The following DMRT1 variants were observed in gnomAD, a reference collection of about 807,000 sequenced individuals.
The protein encoded by DMRT1 is doublesex- and mab-3-related transcription factor 1.
A neutral mutation model predicts 32.3 loss-of-function variants in DMRT1; 7 were observed. The observed-to-expected ratio is 0.22, with a 90% CI of 0.12 to 0.41. The LOEUF is 0.41. DMRT1 is among the 10% of genes least tolerant of loss of function. The probability of loss-of-function intolerance (pLI) is 1.00; values close to 1 mark genes in which losing one functional copy is unlikely to be tolerated. For missense variants in DMRT1, 625 were observed against 500.5 expected (o/e 1.25, Z -2.37); for synonymous variants, 278 against 206.1 (o/e 1.35, Z -2.99).
rs377274603 is a variant in DMRT1, at chr9:922,595, A to T, written c.967+5688A>T. 3.9e-5 allele frequency among the ~76,000 whole-genome samples: 6 copies of T among 152,324 alleles called. No individual in the cohort carries two copies. The East Asian group carries it at 9.6e-4, about 24-fold the overall frequency. ...AGTACGTGGTTGGTCGACACCTGCA[A>T]AAAGGTTTAGGTTTCAGTTGGTGAA... On this transcript the variant is annotated intron_variant, in intron 4 of 4. Transcript: ENST00000382276.
intron 2 of DMRT1, among the ~76,000 whole-genome samples, chr9:886,282 G>C (rs1294299821): frequency 2.0e-5 from 3 of 152,138 alleles, no homozygotes; most frequent in Non-Finnish European, 2.9e-5. Context: ...TTTGAGCGGA[G>C]TCTCGCTCTG....
At chr9:908,551 G>C (rs1283138320) in intron 3 of DMRT1, among the ~76,000 whole-genome samples, 1 of 152,040 alleles carries the variant, frequency 6.6e-6, no homozygotes, top group Non-Finnish European at 1.5e-5. Flanking sequence ...TTATATCCTT[G>C]TGTTCAATTT....
At chr9:904,050 G>C (rs1817683429) in intron 3 of DMRT1, among the ~76,000 whole-genome samples, 1 of 152,196 alleles carries the variant, frequency 6.6e-6, no homozygotes, top group African/African-American at 2.4e-5. Context: ...CTTCACAATT[G>C]AATCGGAGGC....
At chr9:848,765 G>C (rs927719864) in intron 2 of DMRT1, among the ~76,000 whole-genome samples, 5 of 148,290 alleles carry the variant, frequency 3.4e-5, no homozygotes, top group African/African-American at 9.9e-5. Flanking sequence ...ATGTTGGCCA[G>C]GCTGGCCTTG....
intron 3 of DMRT1, chr9:894,597 G>A (rs1303483633): frequency 1.3e-5 from 4 of 305,740 alleles, no homozygotes; most frequent in Non-Finnish European, 2.5e-5. Context: ...CTTTCGTTGG[G>A]CACCTTAGAA....
chr9:866,342 T>A (rs1210811745), intron 2 of DMRT1, among the ~76,000 whole-genome samples: 1 of 151,986 alleles, frequency 6.6e-6, no homozygotes, highest in Non-Finnish European at 1.5e-5. Flanking sequence ...AGCACTGGCC[T>A]GCGGGTGGGA....
At chr9:871,072 G>C (rs979933245) in intron 2 of DMRT1, among the ~76,000 whole-genome samples, 9 of 152,078 alleles carry the variant, frequency 5.9e-5, no homozygotes, top group African/African-American at 2.2e-4. Context: ...GTCTGGCTCT[G>C]TTGCCCAGGC....
At chr9:842,253 T>TA in intron 1 of DMRT1, 61 bp downstream of exon 1, 3 of 1,442,534 alleles carry the variant, frequency 2.1e-6, no homozygotes, top group Non-Finnish European at 2.8e-6. Context: ...TTTTTTTTTT[T>TA]AGATGGAGTC....
chr9:863,697 A>T (rs541595810), intron 2 of DMRT1, among the ~76,000 whole-genome samples: 1 of 152,358 alleles, frequency 6.6e-6, no homozygotes, highest in South Asian at 2.1e-4. Flanking sequence ...ACTCTAAGAT[A>T]GTCAATTTGT....
intron 4 of DMRT1, 134 bp from the exon 5 acceptor site, chr9:967,851 C>T (rs1394971831): frequency 1.1e-6 from 1 of 871,104 alleles, no homozygotes; most frequent in Non-Finnish European, 1.8e-6. Flanking sequence ...AAAACACTTT[C>T]AACTCAGAAT....
chr9:913,666 G>A (rs555912549), intron 3 of DMRT1, among the ~76,000 whole-genome samples: 4 of 151,832 alleles, frequency 2.6e-5, no homozygotes, highest in South Asian at 2.1e-4. Flanking sequence ...ATGCCGAGGC[G>A]GGCGGATCAC....
intron 2 of DMRT1, among the ~76,000 whole-genome samples, chr9:870,709 CTTTTTT>C (rs58893896): frequency 5.8e-5 from 4 of 69,562 alleles, no homozygotes; most frequent in South Asian, 6.7e-4. Context: ...ATTTTCTTGA[CTTTTTT>C]TTTTTTTTTT....
chr9:967,849 TTCAAC>T (rs1676818565), intron 4 of DMRT1, 131 bp from the exon 5 acceptor site: 1 of 869,294 alleles, frequency 1.2e-6, no homozygotes, highest in Non-Finnish European at 1.9e-6. Flanking sequence ...TAAAAACACT[TTCAAC>T]TCAGAATAGA....
intron 3 of DMRT1, among the ~76,000 whole-genome samples, chr9:895,904 A>G (rs1338911103): frequency 2.0e-5 from 3 of 149,832 alleles, no homozygotes; most frequent in Non-Finnish European, 2.9e-5. Context: ...TCCCGGGTTC[A>G]AGCCATTCTC....
At chr9:953,061 A>G (rs545906406) in intron 4 of DMRT1, among the ~76,000 whole-genome samples, 17 of 152,266 alleles carry the variant, frequency 1.1e-4, no homozygotes, top group African/African-American at 3.9e-4. Context: ...GGACTGCTAC[A>G]TGGTTATTTT....
rs192246377 is a variant in DMRT1, at chr9:871,750, A to G, written c.539-22162A>G. ...CGGCCTCCCAAAGTGCTGGGATTAC[A>G]GGCGTGAGCAACCGTGCCTGGCCGG... On this transcript the variant is annotated intron_variant, in intron 2 of 4. Coordinates refer to ENST00000382276, the MANE Select transcript of DMRT1 (RefSeq NM_021951.3). Among the ~76,000 whole-genome samples, 108 of 151,370 alleles carry G rather than the reference A, an allele frequency of 7.1e-4. 8 individuals carry two copies. Among genetic ancestry groups the G allele is most frequent in the African/African-American group, 2.3e-3 (95 of 40,718 alleles).
At chr9:852,985 T>C (rs1815227124) in intron 2 of DMRT1, among the ~76,000 whole-genome samples, 1 of 152,208 alleles carries the variant, frequency 6.6e-6, no homozygotes, top group African/African-American at 2.4e-5. Flanking sequence ...ACATGAAATG[T>C]GTTCGTTTGA....
chr9:842,310 C>G, intron 1 of DMRT1, 118 bp downstream of exon 1: 2 of 1,318,086 alleles, frequency 1.5e-6, no homozygotes, highest in Non-Finnish European at 2.0e-6. Context: ...TCTTGGCTCA[C>G]TGCAACCTCC....
chr9:925,216 T>A (rs1818482466), intron 4 of DMRT1, among the ~76,000 whole-genome samples: 1 of 152,196 alleles, frequency 6.6e-6, no homozygotes, highest in Non-Finnish European at 1.5e-5. Flanking sequence ...GGATGGTTTG[T>A]CATTTCTTAA....
Sources: allele counts gnomAD v4.1 joint callset (sites outside exome capture counted in the v4.1 genomes callset), GRCh38; gene constraint gnomAD v4.1.1; transcripts MANE v1.5; gene names NCBI Gene and HGNC (gene_info 2026-07-23, HGNC 2026-07-21).